SLC4A10: variants seen among roughly 807,000 people sequenced by gnomAD.
SLC4A10 encodes solute carrier family 4 member 10, also known as sodium-driven chloride bicarbonate exchanger.
In SLC4A10, 42 loss-of-function variants were observed where a neutral mutation model predicts 137.7. That is an observed-to-expected ratio of 0.30 (90% CI 0.24 to 0.39). The LOEUF (loss-of-function observed/expected upper bound fraction) is 0.39. Among genes scored for constraint, SLC4A10 ranks in the 10% least tolerant of loss-of-function variants. SLC4A10 has a pLI of 1.00. For synonymous variants in SLC4A10, 474 were observed against 464.1 expected (o/e 1.02, Z -0.27); for missense variants, 925 against 1,355.0 (o/e 0.68, Z 4.98).
intron 1 of SLC4A10, among the ~76,000 whole-genome samples, chr2:161,680,463 C>T (rs956812826): frequency 1.3e-5 from 2 of 151,922 alleles, no homozygotes; most frequent in African/African-American, 2.4e-5. Flanking sequence ...GAAAGATGGC[C>T]TGTGTTGGAA....
chr2:161,866,680 G>A (rs560796121), intron 6 of SLC4A10, among the ~76,000 whole-genome samples: 21 of 151,692 alleles, frequency 1.4e-4, no homozygotes, highest in Admixed American at 3.3e-4. Flanking sequence ...TAAATGTATC[G>A]AAAATATTAA....
chr2:161,845,170 T>C (rs2059414753), intron 4 of SLC4A10, among the ~76,000 whole-genome samples: 1 of 152,122 alleles, frequency 6.6e-6, no homozygotes, highest in Non-Finnish European at 1.5e-5. Flanking sequence ...CCCAGATCTG[T>C]TCATGTCTAT....
intron 7 of SLC4A10, among the ~76,000 whole-genome samples, chr2:161,872,596 A>G (rs2061202460): frequency 6.6e-6 from 1 of 150,544 alleles, no homozygotes; most frequent in Non-Finnish European, 1.5e-5. Context: ...AGTTTTATGC[A>G]TAGTATTCAT....
At chr2:161,696,111 G>C (rs71424707) in intron 1 of SLC4A10, among the ~76,000 whole-genome samples, 1 of 145,560 alleles carries the variant, frequency 6.9e-6, no homozygotes, top group Non-Finnish European at 1.5e-5. Flanking sequence ...CCCTTCCTGT[G>C]TCCAAGTGTT....
chr2:161,947,241 T>C (rs1169868899), intron 16 of SLC4A10, among the ~76,000 whole-genome samples: 5 of 152,154 alleles, frequency 3.3e-5, no homozygotes, highest in African/African-American at 2.4e-5. Context: ...CTATTACATA[T>C]GTCATATTTT....
chr2:161,873,401 C>T (rs781123148), intron 7 of SLC4A10, among the ~76,000 whole-genome samples: 4 of 151,464 alleles, frequency 2.6e-5, no homozygotes, highest in Non-Finnish European at 4.4e-5. Flanking sequence ...TGTGGTGGCG[C>T]GTGCCTGTGG....
chr2:161,907,055 C>CAAAAAAA (rs556899761), intron 15 of SLC4A10, among the ~76,000 whole-genome samples: 2 of 90,940 alleles, frequency 2.2e-5, no homozygotes, highest in East Asian at 1.2e-3. Context: ...GACTCCGTCT[C>CAAAAAAA]AAAAAAAAAA....
At chr2:161,784,678 C>T (rs971816933) in intron 2 of SLC4A10, among the ~76,000 whole-genome samples, 1 of 151,484 alleles carries the variant, frequency 6.6e-6, no homozygotes, top group South Asian at 2.1e-4. Context: ...TCAAAAGAGA[C>T]ATTAGAAAAT....
intron 1 of SLC4A10, among the ~76,000 whole-genome samples, chr2:161,735,094 A>G (rs899456688): frequency 2.0e-5 from 3 of 151,004 alleles, no homozygotes; most frequent in African/African-American, 7.3e-5. Flanking sequence ...TTCTTTTTAA[A>G]TTACCCAGTA....
In SLC4A10 at chr2:161,839,780, A is replaced by G; in HGVS notation, c.278-9A>G. ...ATGTTCATGGTAATACATGTCTCTG[A>G]TTTTTTAGACACCCCATCACAGAGG... On this transcript the variant is annotated splice_polypyrimidine_tract_variant and intron_variant, in intron 3 of 26. Coordinates refer to ENST00000446997, the MANE Select transcript of SLC4A10 (RefSeq NM_001178015.2). 6.2e-7 allele frequency: 1 copy of G among 1,613,324 alleles called. No homozygotes were observed. Among genetic ancestry groups the G allele is most frequent in the Non-Finnish European group, 8.5e-7 (1 of 1,179,590 alleles).
chr2:161,676,170 C>T (rs1368926966), intron 1 of SLC4A10, among the ~76,000 whole-genome samples: 1 of 152,116 alleles, frequency 6.6e-6, no homozygotes. Flanking sequence ...CAAAGCAGCC[C>T]ATAATCCACC....
At chr2:161,663,800 C>T (rs2038728570) in intron 1 of SLC4A10, among the ~76,000 whole-genome samples, 1 of 151,840 alleles carries the variant, frequency 6.6e-6, no homozygotes, top group African/African-American at 2.4e-5. Context: ...GATGTTGAAA[C>T]AATATAATCT....
intron 1 of SLC4A10, among the ~76,000 whole-genome samples, chr2:161,633,658 T>A (rs2033951547): frequency 6.6e-6 from 1 of 151,758 alleles, no homozygotes; most frequent in Non-Finnish European, 1.5e-5. Context: ...GGCTTAATAG[T>A]TTTCCTTTTG....
At chr2:161,939,786 T>A (rs1015103066) in intron 15 of SLC4A10, among the ~76,000 whole-genome samples, 1 of 152,114 alleles carries the variant, frequency 6.6e-6, no homozygotes, top group Non-Finnish European at 1.5e-5. Context: ...AATTATAGAA[T>A]GTAAAAATAT....
intron 1 of SLC4A10, among the ~76,000 whole-genome samples, chr2:161,701,449 T>G (rs1187200785): frequency 6.6e-6 from 1 of 151,998 alleles, no homozygotes; most frequent in East Asian, 1.9e-4. Flanking sequence ...TAATTGTAAT[T>G]GATATATAAT....
Position 161,894,762 on chromosome 2 carries a change from T to A in SLC4A10, c.1278T>A (p.Val426=). ...ATGAGTTTCTGGATCAGGTTACTGT[T>A]CTCCCTCCTGGAGAATGGGATCCAA... ...GIDEFLDQVT[V]LPPGEWDPSI... The change falls in exon 11 of 27, where the codon GTT becomes GTA. Residue 426 remains valine (V), a synonymous_variant. Coordinates refer to ENST00000446997, the MANE Select transcript of SLC4A10 (RefSeq NM_001178015.2). 6.9e-7 allele frequency: 1 copy of A among 1,440,206 alleles called. No homozygotes were observed. 89.2% of individuals were successfully genotyped at this position (1,440,206 alleles called of 1,614,324 possible). A position where few individuals can be genotyped will look rare whatever the true frequency, so the allele number is the denominator to read the frequency against.
chr2:161,773,421 G>T (rs1001208170), intron 2 of SLC4A10, among the ~76,000 whole-genome samples: 3 of 151,726 alleles, frequency 2.0e-5, no homozygotes, highest in African/African-American at 7.3e-5. Flanking sequence ...TAAAGGAAAA[G>T]AACAAAACTC....
intron 15 of SLC4A10, chr2:161,931,498 A>G (rs988750496): frequency 6.6e-6 from 1 of 152,174 alleles, no homozygotes; most frequent in Admixed American, 6.5e-5. Context: ...CATTGCCCCA[A>G]TCCAGCCTTT....
chr2:161,967,348 C>T (rs1360588154), intron 23 of SLC4A10, among the ~76,000 whole-genome samples: 1 of 152,156 alleles, frequency 6.6e-6, no homozygotes, highest in Non-Finnish European at 1.5e-5. Context: ...AGATAGGCTC[C>T]AGCCACCCTC....
Sources: allele counts gnomAD v4.1 joint callset (sites outside exome capture counted in the v4.1 genomes callset), GRCh38; gene constraint gnomAD v4.1.1; transcripts MANE v1.5; gene names NCBI Gene and HGNC (gene_info 2026-07-23, HGNC 2026-07-21).